Variants in VIT observed in about 807,000 individuals in gnomAD.
The protein encoded by VIT is vitrin.
A neutral mutation model predicts 78.0 loss-of-function variants in VIT; 99 were observed. The ratio of observed to expected loss-of-function variants is 1.27; its 90% confidence interval spans 1.08 to 1.50. The LOEUF (loss-of-function observed/expected upper bound fraction) is 1.50. Among genes scored for constraint, VIT ranks in the 40% most tolerant of loss-of-function variants. The probability of loss-of-function intolerance (pLI) is 0.00; values close to 1 mark genes in which losing one functional copy is unlikely to be tolerated. For missense variants in VIT, 1,126 were observed against 875.3 expected (o/e 1.29, Z -3.61); for synonymous variants, 374 against 334.3 (o/e 1.12, Z -1.29).
At chr2:36,699,663 T>TAGAG (rs1664922655) in intron 1 of VIT, among the ~76,000 whole-genome samples, 1 of 151,954 alleles carries the variant, frequency 6.6e-6, no homozygotes, top group African/African-American at 2.4e-5. Context: ...GATAGATAGA[T>TAGAG]AGATATGCAC....
At chr2:36,805,103 G>C (rs964376326) in intron 13 of VIT, among the ~76,000 whole-genome samples, 2 of 151,984 alleles carry the variant, frequency 1.3e-5, no homozygotes, top group African/African-American at 4.8e-5. Context: ...ATGAGTTTGA[G>C]ACCAGCCTAG....
chr2:36,801,740 C>A (rs11889890), intron 13 of VIT, among the ~76,000 whole-genome samples: 1 of 149,648 alleles, frequency 6.7e-6, no homozygotes, highest in African/African-American at 2.5e-5. Flanking sequence ...GGCGCCACTG[C>A]ACTCCAGCCT....
intron 3 of VIT, among the ~76,000 whole-genome samples, chr2:36,731,031 A>G (rs1667171447): frequency 6.6e-6 from 1 of 152,142 alleles, no homozygotes; most frequent in Non-Finnish European, 1.5e-5. Context: ...ACCAAACAGG[A>G]AGACAGGTTC....
intron 1 of VIT, among the ~76,000 whole-genome samples, chr2:36,712,511 A>G (rs759807922): frequency 3.3e-5 from 5 of 152,086 alleles, no homozygotes; most frequent in Admixed American, 1.3e-4. Flanking sequence ...TTTTATTGAG[A>G]TATAATTCAC....
At chr2:36,769,396 T>A (rs1252645234) in intron 7 of VIT, among the ~76,000 whole-genome samples, 2 of 152,210 alleles carry the variant, frequency 1.3e-5, no homozygotes, top group Non-Finnish European at 2.9e-5. Flanking sequence ...TCTTTATTCC[T>A]GGCTTGGGAA....
At position 36,808,940 on chromosome 2, in the gene VIT, T is replaced by A; in HGVS notation, c.1858T>A (p.Ser620Thr). 6.2e-7 allele frequency: 1 copy of A among 1,609,448 alleles called. No individual in the cohort carries two copies. The highest frequency in any genetic ancestry group is 1.1e-5 in the South Asian group (1 of 90,534). The change falls in exon 15 of 16, where the codon TCC becomes ACC. Residue 620 changes from serine (S) to threonine (T), a missense_variant. Physicochemically the swap from Ser to Thr is moderately conservative, Grantham distance 58. Coordinates refer to ENST00000379242, the MANE Select transcript of VIT (RefSeq NM_053276.4). ...KLMILITDGR[S>T]YDDVRIPAMA... ...AATGATCCTCATCACCGACGGGAGG[T>A]CCTACGACGACGTCCGGATCCCAGC... is the stretch of plus-strand genomic sequence containing the variant.
chr2:36,716,698 C>G (rs183929166), intron 2 of VIT, among the ~76,000 whole-genome samples: 1 of 152,162 alleles, frequency 6.6e-6, no homozygotes, highest in East Asian at 1.9e-4. Context: ...ATACACACAC[C>G]TAGCTTGTGT....
At chr2:36,798,555 G>A (rs1459212341) in intron 12 of VIT, among the ~76,000 whole-genome samples, 1 of 152,152 alleles carries the variant, frequency 6.6e-6, no homozygotes, top group Non-Finnish European at 1.5e-5. Flanking sequence ...AGGAGTTCGA[G>A]ACCAGCCTGG....
chr2:36,719,149 T>G (rs1426745679), intron 2 of VIT, among the ~76,000 whole-genome samples: 1 of 152,110 alleles, frequency 6.6e-6, no homozygotes, highest in Non-Finnish European at 1.5e-5. Context: ...CTTATTCAGA[T>G]AGCAAGAAAT....
chr2:36,776,962 G>T (rs1016712948), intron 9 of VIT, among the ~76,000 whole-genome samples: 4 of 149,786 alleles, frequency 2.7e-5, no homozygotes, highest in Admixed American at 2.0e-4. Flanking sequence ...GGTGGCGGGC[G>T]CCTGTAGTCC....
rs113183558 is a variant in VIT, at chr2:36,757,336, C to T, written c.410-1633C>T. Among the ~76,000 whole-genome samples the T allele has an allele frequency of 3.5e-3, 540 of 152,300 alleles. 5 individuals carry two copies. Among genetic ancestry groups the T allele is most frequent in the African/African-American group, 0.011 (465 of 41,554 alleles). On this transcript the variant is annotated intron_variant, in intron 5 of 15. Transcript: ENST00000379242. ...AAAGAGGAGATGTACGTTTACGGCC[C>T]GCATGATCTTTACACAGTCCAGGGA...
chr2:36,784,560 G>A (rs902766863), intron 11 of VIT, among the ~76,000 whole-genome samples: 3 of 152,226 alleles, frequency 2.0e-5, no homozygotes, highest in Non-Finnish European at 2.9e-5. Context: ...GTACATGACT[G>A]TGGTATGTAT....
rs376609226 is a variant in VIT at position 36,708,117 on chromosome 2, C to A, written c.-18-8236C>A. 5.5e-3 allele frequency among the ~76,000 whole-genome samples: 812 copies of A among 148,520 alleles called. 10 individuals are homozygous for A. The highest frequency in any genetic ancestry group is 0.018 in the African/African-American group (721 of 39,528). ...ACCACATTGTAAAGGACCTCCCCCC[C>A]CCGCCCACCTAGTGCCAGCTTCCTT... On this transcript the variant is annotated intron_variant, in intron 1 of 15. Coordinates refer to ENST00000379242, the MANE Select transcript of VIT (RefSeq NM_053276.4).
chr2:36,777,756 G>A (rs946022214), intron 9 of VIT, among the ~76,000 whole-genome samples: 1 of 152,292 alleles, frequency 6.6e-6, no homozygotes, highest in East Asian at 1.9e-4. Context: ...TTAGTCGGCT[G>A]CAATCTTCCT....
intron 7 of VIT, among the ~76,000 whole-genome samples, chr2:36,768,078 TC>T (rs1669541087): frequency 6.6e-6 from 1 of 152,104 alleles, no homozygotes; most frequent in Non-Finnish European, 1.5e-5. Context: ...GCATGACCCT[TC>T]CCCCTCTCCG....
intron 12 of VIT, among the ~76,000 whole-genome samples, chr2:36,800,313 C>A (rs1666229104): frequency 6.6e-6 from 1 of 152,138 alleles, no homozygotes; most frequent in African/African-American, 2.4e-5. Flanking sequence ...CCACTGCACT[C>A]CAGCCTGGGT....
intron 13 of VIT, among the ~76,000 whole-genome samples, chr2:36,804,359 C>G (rs1271122794): frequency 6.6e-6 from 1 of 152,184 alleles, no homozygotes; most frequent in Non-Finnish European, 1.5e-5. Flanking sequence ...CACTCCTGAC[C>G]CCAGAACACA....
At chr2:36,715,405 C>A (rs1010369762) in intron 1 of VIT, among the ~76,000 whole-genome samples, 3 of 152,010 alleles carry the variant, frequency 2.0e-5, no homozygotes, top group African/African-American at 7.3e-5. Flanking sequence ...GGCATGGTGG[C>A]ACATGCCTGT....
chr2:36,728,413 G>A (rs1277697667), intron 2 of VIT, among the ~76,000 whole-genome samples: 2 of 152,142 alleles, frequency 1.3e-5, no homozygotes, highest in Non-Finnish European at 2.9e-5. Flanking sequence ...GCTGTAAAAT[G>A]TGTATGTTTT....
Sources: gnomAD v4.1 joint callset for allele counts (sites outside exome capture counted in the v4.1 genomes callset) on GRCh38, gnomAD v4.1.1 for gene constraint, MANE v1.5 for transcripts, NCBI Gene and HGNC (gene_info 2026-07-23, HGNC 2026-07-21) for gene names.